The following GRIK3 variants were observed in gnomAD, a reference collection of about 807,000 sequenced individuals.
GRIK3 encodes the protein glutamate ionotropic receptor kainate type subunit 3, also known as glutamate receptor ionotropic, kainate 3.
GRIK3 carries 29 observed loss-of-function variants against 102.5 expected under a neutral mutation model. The observed-to-expected ratio is 0.28, with a 90% CI of 0.21 to 0.39. The LOEUF is 0.39. Among genes scored for constraint, GRIK3 ranks in the 10% least tolerant of loss-of-function variants. The pLI, the probability that GRIK3 is intolerant of heterozygous loss-of-function variation, is 1.00. For missense variants in GRIK3, 908 were observed against 1,252.4 expected (o/e 0.73, Z 4.15); for synonymous variants, 511 against 504.9 (o/e 1.01, Z -0.16).
intron 1 of GRIK3, among the ~76,000 whole-genome samples, chr1:36,981,515 C>A (rs1318106784): frequency 1.3e-5 from 2 of 152,212 alleles, no homozygotes; most frequent in African/African-American, 4.8e-5. Flanking sequence ...AGATGGAGAT[C>A]CTTGTTCCCA....
intron 5 of GRIK3, among the ~76,000 whole-genome samples, chr1:36,864,755 G>T (rs916482972): frequency 6.6e-6 from 1 of 152,186 alleles, no homozygotes; most frequent in Non-Finnish European, 1.5e-5. Flanking sequence ...AGTGTTGTAG[G>T]GCCTGTGGCA....
chr1:36,973,008 G>A (rs1642160324), intron 1 of GRIK3, among the ~76,000 whole-genome samples: 1 of 152,176 alleles, frequency 6.6e-6, no homozygotes, highest in South Asian at 2.1e-4. Flanking sequence ...GACCTGAGAG[G>A]TTCCCACTGT....
chr1:36,842,639 C>T (rs909797190), intron 9 of GRIK3, among the ~76,000 whole-genome samples: 20 of 152,158 alleles, frequency 1.3e-4, no homozygotes, highest in Non-Finnish European at 2.9e-5. Flanking sequence ...GTGGCTGTGC[C>T]GGGCACTGGT....
chr1:36,888,017 G>A (rs1186460369), intron 2 of GRIK3, among the ~76,000 whole-genome samples: 2 of 152,044 alleles, frequency 1.3e-5, no homozygotes, highest in Admixed American at 6.6e-5. Context: ...TGTACATACT[G>A]TGACCCGCAT....
At chr1:36,964,734 C>T (rs1173971672) in intron 1 of GRIK3, among the ~76,000 whole-genome samples, 2 of 152,158 alleles carry the variant, frequency 1.3e-5, no homozygotes, top group African/African-American at 2.4e-5. Context: ...CACACCCCTG[C>T]CAAGACACCC....
intron 9 of GRIK3, among the ~76,000 whole-genome samples, chr1:36,845,365 C>T (rs554272297): frequency 7.2e-5 from 11 of 152,192 alleles, no homozygotes; most frequent in South Asian, 2.1e-4. Context: ...CAACAAGTCA[C>T]GGAAAACAGG....
intron 1 of GRIK3, among the ~76,000 whole-genome samples, chr1:37,024,216 T>C (rs1414352434): frequency 6.6e-6 from 1 of 152,210 alleles, no homozygotes; most frequent in South Asian, 2.1e-4. Flanking sequence ...TTTGATGCCA[T>C]GCTGGAGGAA....
intron 1 of GRIK3, among the ~76,000 whole-genome samples, chr1:36,920,752 AC>A (rs1641457927): frequency 6.6e-6 from 1 of 152,072 alleles, no homozygotes; most frequent in African/African-American, 2.4e-5. Context: ...GCCATTCCCC[AC>A]ACCCACACCT....
intron 15 of GRIK3, 25 bp from the exon 16 acceptor site, chr1:36,802,070 T>C (rs759016355): frequency 1.3e-6 from 2 of 1,564,818 alleles, no homozygotes; most frequent in East Asian, 4.5e-5. Flanking sequence ...AGGAGAGGGG[T>C]CGGAAAAGGG....
intron 1 of GRIK3, among the ~76,000 whole-genome samples, chr1:36,987,548 A>G (rs1347801835): frequency 6.6e-6 from 1 of 152,170 alleles, no homozygotes; most frequent in East Asian, 1.9e-4. Context: ...TGATCCTGCC[A>G]GAGGAGCAAA....
chr1:37,010,396 G>A lies in GRIK3; in HGVS notation c.115+23598C>T, dbSNP rs1483724592. Among the ~76,000 whole-genome samples, 3 of 152,254 alleles carry A rather than the reference G, an allele frequency of 2.0e-5. No individual in the cohort carries two copies. In the East Asian group the frequency reaches 5.8e-4, roughly 29 times the overall value. The stretch of plus-strand genomic sequence containing the variant: ...CTACTGAGTGCTTTCTGTTCACCAG[G>A]CCTCTTATCCCACAAGATCCTTTCT... On this transcript the variant is annotated intron_variant, in intron 1 of 15. Coordinates refer to ENST00000373091, the MANE Select transcript of GRIK3 (RefSeq NM_000831.4).
chr1:36,950,943 A>T (rs890265472), intron 1 of GRIK3, among the ~76,000 whole-genome samples: 2 of 152,228 alleles, frequency 1.3e-5, no homozygotes, highest in African/African-American at 4.8e-5. Context: ...GGGGTGGGGC[A>T]TGATGCAGCC....
intron 1 of GRIK3, among the ~76,000 whole-genome samples, chr1:36,911,116 T>C (rs1641341348): frequency 6.7e-6 from 1 of 148,532 alleles, no homozygotes; most frequent in South Asian, 2.2e-4. Flanking sequence ...ACAGACCCAC[T>C]GGGGAGAGAG....
chr1:36,993,446 C>T (rs1013858477), intron 1 of GRIK3, among the ~76,000 whole-genome samples: 6 of 152,160 alleles, frequency 3.9e-5, no homozygotes, highest in African/African-American at 1.4e-4. Flanking sequence ...CATCCTTGAA[C>T]CAATCTCTCA....
In GRIK3 at chr1:36,901,967, A is replaced by G. The variant is rs189685389; in HGVS notation, c.116-10871T>C. Among the ~76,000 whole-genome samples the G allele has an allele frequency of 3.4e-3, 518 of 152,364 alleles. 4 individuals carry two copies. The highest frequency in any genetic ancestry group is 0.016 in the South Asian group (79 of 4,824). ...ACAAATGGAATTTGAAATAGAAACA[A>G]GATCACTTACATTAACATGCAAAGA... On this transcript the variant is annotated intron_variant, in intron 1 of 15. Transcript: ENST00000373091.
At chr1:37,025,764 CTTAA>C (rs1216312752) in intron 1 of GRIK3, among the ~76,000 whole-genome samples, 1 of 152,238 alleles carries the variant, frequency 6.6e-6, no homozygotes, top group Non-Finnish European at 1.5e-5. Flanking sequence ...TAGCACAAGA[CTTAA>C]TTGTCTCCTA....
chr1:36,904,920 C>G (rs992193619), intron 1 of GRIK3, among the ~76,000 whole-genome samples: 2 of 152,100 alleles, frequency 1.3e-5, no homozygotes, highest in Non-Finnish European at 2.9e-5. Context: ...ACAAAAATAA[C>G]AAATCATGTT....
At chr1:37,018,849 T>A (rs1210567497) in intron 1 of GRIK3, among the ~76,000 whole-genome samples, 7 of 152,056 alleles carry the variant, frequency 4.6e-5, no homozygotes, top group South Asian at 2.1e-4. Flanking sequence ...CCAATTTTTT[T>A]AAAAAAGAAA....
At chr1:36,932,042 A>G (rs1312039940) in intron 1 of GRIK3, among the ~76,000 whole-genome samples, 3 of 151,666 alleles carry the variant, frequency 2.0e-5, no homozygotes, top group Non-Finnish European at 2.9e-5. Flanking sequence ...TGGATTCATT[A>G]CCCTCTCCCC....
Sources: gnomAD v4.1 joint callset for allele counts (sites outside exome capture counted in the v4.1 genomes callset) on GRCh38, gnomAD v4.1.1 for gene constraint, MANE v1.5 for transcripts, NCBI Gene and HGNC (gene_info 2026-07-23, HGNC 2026-07-21) for gene names.